Variants in CTNNA2 observed in about 807,000 individuals in gnomAD.
CTNNA2 encodes the protein catenin alpha-2.
Under a neutral mutation model 101.0 loss-of-function variants are expected in CTNNA2, and 42 were observed. That is an observed-to-expected ratio of 0.42 (90% CI 0.32 to 0.54). The LOEUF (loss-of-function observed/expected upper bound fraction) is 0.54. Among genes scored for constraint, CTNNA2 ranks in the 20% least tolerant of loss-of-function variants. CTNNA2 has a pLI of 0.14. For missense variants in CTNNA2, 871 were observed against 1,223.1 expected (o/e 0.71, Z 4.29); for synonymous variants, 450 against 456.4 (o/e 0.99, Z 0.18).
At position 79,326,465 on chromosome 2, in the gene CTNNA2, GT is replaced by G. The variant is rs371374463; in HGVS notation, c.-318+13677del. On this transcript the variant is annotated intron_variant, in intron 3 of 21. Transcript: ENST00000466387. ...AGAATCCACTCTTTATACAACCTAGGTTTTTTTTAAATCTATTTTCTTTCTC... is the reference window on the plus strand; with the variant it reads ...AGAATCCACTCTTTATACAACCTAGGTTTTTTTAAATCTATTTTCTTTCTC... Among the ~76,000 whole-genome samples, 335 of 151,998 alleles carry G rather than the reference GT, an allele frequency of 2.2e-3. 3 individuals carry two copies. The highest frequency in any genetic ancestry group is 6.7e-3 in the African/African-American group (279 of 41,456).
chr2:80,565,485 G>C (rs1693974380), intron 12 of CTNNA2, among the ~76,000 whole-genome samples: 1 of 151,924 alleles, frequency 6.6e-6, no homozygotes, highest in African/African-American at 2.4e-5. Flanking sequence ...TTCAGATTCA[G>C]CACTAATTGG....
At chr2:79,760,653 T>G (rs993354589) in intron 3 of CTNNA2, among the ~76,000 whole-genome samples, 3 of 152,224 alleles carry the variant, frequency 2.0e-5, no homozygotes, top group African/African-American at 7.2e-5. Flanking sequence ...TATTACTGGT[T>G]ACTAATGCCT....
intron 7 of CTNNA2, among the ~76,000 whole-genome samples, chr2:80,086,491 G>C (rs1211935254): frequency 2.0e-5 from 3 of 151,994 alleles, no homozygotes; most frequent in African/African-American, 7.2e-5. Flanking sequence ...TTGATTGTTT[G>C]GACACCTCCT....
At chr2:80,004,708 T>TATTTATTTATCC (rs1262182161) in intron 7 of CTNNA2, among the ~76,000 whole-genome samples, 1 of 133,730 alleles carries the variant, frequency 7.5e-6, no homozygotes, top group African/African-American at 2.7e-5. Context: ...TTTATTTATT[T>TATTTATTTATCC]ATCCATCCAT....
chr2:80,546,332 C>A (rs766500830), intron 11 of CTNNA2, among the ~76,000 whole-genome samples: 1 of 152,126 alleles, frequency 6.6e-6, no homozygotes, highest in East Asian at 1.9e-4. Context: ...GTTTATAAAG[C>A]AGGATGGCCT....
intron 7 of CTNNA2, among the ~76,000 whole-genome samples, chr2:80,381,477 G>A (rs1313284789): frequency 6.6e-6 from 1 of 152,168 alleles, no homozygotes; most frequent in African/African-American, 2.4e-5. Flanking sequence ...CTGGCATTTT[G>A]GAGGGGGACA....
intron 2 of CTNNA2, among the ~76,000 whole-genome samples, chr2:79,655,362 C>T (rs1327330043): frequency 1.3e-5 from 2 of 152,116 alleles, no homozygotes; most frequent in Non-Finnish European, 2.9e-5. Flanking sequence ...TATATTCAGG[C>T]TCATGCTAGT....
At chr2:79,718,012 C>A (rs1245730393) in intron 2 of CTNNA2, among the ~76,000 whole-genome samples, 6 of 152,150 alleles carry the variant, frequency 3.9e-5, no homozygotes, top group Non-Finnish European at 5.9e-5. Flanking sequence ...TTCCTGCAAC[C>A]TCTTGAAGAC....
intron 17 of CTNNA2, among the ~76,000 whole-genome samples, chr2:80,612,243 G>A (rs1468585672): frequency 6.6e-6 from 1 of 151,466 alleles, no homozygotes; most frequent in East Asian, 1.9e-4. Flanking sequence ...AGACTGAGGG[G>A]TCAATTATAG....
intron 3 of CTNNA2, among the ~76,000 whole-genome samples, chr2:79,758,755 G>T (rs1348770530): frequency 6.6e-6 from 1 of 152,150 alleles, no homozygotes; most frequent in Non-Finnish European, 1.5e-5. Flanking sequence ...CTGCATTCAT[G>T]TTGCTGCAAA....
chr2:80,116,287 G>A (rs1175295824), intron 7 of CTNNA2, among the ~76,000 whole-genome samples: 1 of 151,064 alleles, frequency 6.6e-6, no homozygotes, highest in Non-Finnish European at 1.5e-5. Context: ...AATATGGACT[G>A]TGTTCTGGCT....
intron 7 of CTNNA2, among the ~76,000 whole-genome samples, chr2:80,141,386 G>A (rs913489785): frequency 1.3e-5 from 2 of 152,134 alleles, no homozygotes; most frequent in East Asian, 3.9e-4. Context: ...ACAGCAGTAA[G>A]GTTCAAAGGA....
At chr2:79,319,802 C>T (rs1482653419) in intron 3 of CTNNA2, 2 of 152,062 alleles carry the variant, frequency 1.3e-5, no homozygotes, top group African/African-American at 4.8e-5. Context: ...TTCACTTTAT[C>T]TTATGAGGCA....
chr2:79,318,885 A>C (rs1448601071), intron 3 of CTNNA2, among the ~76,000 whole-genome samples: 1 of 152,342 alleles, frequency 6.6e-6, no homozygotes, highest in African/African-American at 2.4e-5. Context: ...ACTTCTTCAT[A>C]TTCATCTGAA....
chr2:80,361,046 A>AT (rs1299494568), intron 7 of CTNNA2, among the ~76,000 whole-genome samples: 2 of 151,788 alleles, frequency 1.3e-5, no homozygotes, highest in African/African-American at 4.8e-5. Context: ...AGGTCCTCAC[A>AT]TTTTTTTCTC....
intron 3 of CTNNA2, among the ~76,000 whole-genome samples, chr2:79,753,995 A>G (rs1036196711): frequency 1.3e-5 from 2 of 150,938 alleles, no homozygotes. Flanking sequence ...CAGCCTCCCA[A>G]GTAGCTGGGA....
At chr2:79,289,519 T>C (rs1015509539) in intron 2 of CTNNA2, among the ~76,000 whole-genome samples, 1 of 152,146 alleles carries the variant, frequency 6.6e-6, no homozygotes, top group South Asian at 2.1e-4. Flanking sequence ...CCCAGCACTT[T>C]GGGAGGCCGA....
At chr2:79,977,232 A>ACG (rs1033323893) in intron 7 of CTNNA2, among the ~76,000 whole-genome samples, 1 of 151,176 alleles carries the variant, frequency 6.6e-6, no homozygotes, top group Non-Finnish European at 1.5e-5. Context: ...GCACACACAC[A>ACG]CACACACACA....
chr2:80,569,781 T>G (rs1351254220), intron 12 of CTNNA2, among the ~76,000 whole-genome samples: 3 of 151,152 alleles, frequency 2.0e-5, no homozygotes, highest in African/African-American at 7.3e-5. Flanking sequence ...TAGCTGGGAC[T>G]ACAGGCACCC....
Sources: gnomAD v4.1 joint callset for allele counts (sites outside exome capture counted in the v4.1 genomes callset) on GRCh38, gnomAD v4.1.1 for gene constraint, MANE v1.5 for transcripts, NCBI Gene and HGNC (gene_info 2026-07-23, HGNC 2026-07-21) for gene names.